Variants in DIS3L2 observed in about 807,000 individuals in gnomAD.
The protein encoded by DIS3L2 is DIS3 like 3'-5' exoribonuclease 2.
A neutral mutation model predicts 97.5 loss-of-function variants in DIS3L2; 34 were observed. The observed-to-expected ratio is 0.35, with a 90% CI of 0.27 to 0.46. The LOEUF (loss-of-function observed/expected upper bound fraction) is 0.46, where lower values mean the gene tolerates loss of function less well. DIS3L2 is among the 20% of genes least tolerant of loss of function. DIS3L2 has a pLI of 1.00. For synonymous variants in DIS3L2, 435 were observed against 445.2 expected (o/e 0.98, Z 0.29); for missense variants, 1,038 against 1,146.0 (o/e 0.91, Z 1.36).
chr2:231,982,541 TTTTA>T (rs2106180260), intron 1 of DIS3L2, among the ~76,000 whole-genome samples: 1 of 152,308 alleles, frequency 6.6e-6, no homozygotes, highest in East Asian at 1.9e-4. Flanking sequence ...ATAAAGAATG[TTTTA>T]TTTCTTTTCC....
At chr2:231,986,197 A>C (rs1019621044) in intron 1 of DIS3L2, among the ~76,000 whole-genome samples, 1 of 152,148 alleles carries the variant, frequency 6.6e-6, no homozygotes, top group African/African-American at 2.4e-5. Flanking sequence ...ACATGGACTG[A>C]GCCACTAATG....
At chr2:232,029,403 G>T (rs1040541993) in intron 4 of DIS3L2, among the ~76,000 whole-genome samples, 1 of 152,150 alleles carries the variant, frequency 6.6e-6, no homozygotes, top group East Asian at 1.9e-4. Context: ...AAGCCAAGAA[G>T]TTGACACCTG....
At chr2:232,110,167 GTTA>G (rs1371566943) in intron 6 of DIS3L2, among the ~76,000 whole-genome samples, 1 of 152,082 alleles carries the variant, frequency 6.6e-6, no homozygotes, top group Non-Finnish European at 1.5e-5. Context: ...TCTCAGAATG[GTTA>G]TTATTAAAAA....
At chr2:232,299,313 G>A (rs1056488805) in intron 13 of DIS3L2, among the ~76,000 whole-genome samples, 2 of 152,186 alleles carry the variant, frequency 1.3e-5, no homozygotes, top group Non-Finnish European at 2.9e-5. Context: ...GAGGGGTCTT[G>A]CCAAAATAGA....
At chr2:231,988,337 G>A (rs3100620) in intron 1 of DIS3L2, among the ~76,000 whole-genome samples, 122,295 of 152,214 alleles carry the variant, frequency 0.8, 49,929 homozygotes, top group African/African-American at 0.94. Context: ...ATTTCTCCAC[G>A]GAAAGTGGAG....
intron 15 of DIS3L2, 82 bp from the exon 16 acceptor site, chr2:232,330,602 GGCATGA>G: frequency 7.2e-7 from 1 of 1,386,484 alleles, no homozygotes; most frequent in Admixed American, 1.7e-5. Context: ...CCCAGAGCCG[GGCATGA>G]GGTGCTCAGC....
intron 1 of DIS3L2, among the ~76,000 whole-genome samples, chr2:231,999,005 T>A (rs993449414): frequency 6.6e-6 from 1 of 152,208 alleles, no homozygotes; most frequent in Admixed American, 6.5e-5. Context: ...AGCAAGATAT[T>A]CTAGGCCAGG....
chr2:232,275,836 G>A (rs751803835), intron 13 of DIS3L2, among the ~76,000 whole-genome samples: 2 of 152,196 alleles, frequency 1.3e-5, no homozygotes, highest in Non-Finnish European at 2.9e-5. Flanking sequence ...CGTAGAGGCA[G>A]ATGGGACAGG....
chr2:231,992,455 A>G (rs889835053), intron 1 of DIS3L2, among the ~76,000 whole-genome samples: 1 of 152,128 alleles, frequency 6.6e-6, no homozygotes, highest in Admixed American at 6.6e-5. Context: ...GTGTTTTAAC[A>G]TGCTCAAGTT....
chr2:231,970,195 AC>A (rs1426876115), intron 1 of DIS3L2, among the ~76,000 whole-genome samples: 1 of 152,084 alleles, frequency 6.6e-6, no homozygotes, highest in Admixed American at 6.5e-5. Flanking sequence ...CAGTCCTCCC[AC>A]TGTCACCTCT....
At chr2:232,029,063 C>A (rs1247606653) in intron 4 of DIS3L2, among the ~76,000 whole-genome samples, 1 of 152,122 alleles carries the variant, frequency 6.6e-6, no homozygotes, top group African/African-American at 2.4e-5. Flanking sequence ...ATAGTAATCA[C>A]CTTCAGTCCA....
At chr2:232,006,536 T>C (rs1211384679) in intron 1 of DIS3L2, among the ~76,000 whole-genome samples, 8 of 152,184 alleles carry the variant, frequency 5.3e-5, no homozygotes, top group Non-Finnish European at 8.8e-5. Context: ...TTGAGGAGAA[T>C]AATAAATTGA....
intron 14 of DIS3L2, among the ~76,000 whole-genome samples, chr2:232,326,695 G>A (rs995819869): frequency 5.4e-5 from 8 of 147,124 alleles, no homozygotes; most frequent in African/African-American, 2.1e-4. Context: ...TGCTTAATGT[G>A]GCCTAACTAG....
At chr2:232,328,988 C>T (rs1401183280) in intron 14 of DIS3L2, 1 of 152,412 alleles carries the variant, frequency 6.6e-6, no homozygotes, top group Non-Finnish European at 1.5e-5. Flanking sequence ...TCCCACATCG[C>T]CTATCGGTCC....
chr2:232,007,994 T>A (rs1298788652), intron 1 of DIS3L2, among the ~76,000 whole-genome samples: 1 of 152,010 alleles, frequency 6.6e-6, no homozygotes, highest in Non-Finnish European at 1.5e-5. Flanking sequence ...TTGTTATATG[T>A]CTATTCAGAT....
At chr2:232,114,932 C>A (rs76045629) in intron 6 of DIS3L2, among the ~76,000 whole-genome samples, 2 of 152,100 alleles carry the variant, frequency 1.3e-5, no homozygotes, top group Non-Finnish European at 2.9e-5. Flanking sequence ...CTAGTGAGGA[C>A]CTTCTTGCCA....
intron 13 of DIS3L2, among the ~76,000 whole-genome samples, chr2:232,283,761 G>A (rs1025777181): frequency 6.6e-6 from 1 of 152,208 alleles, no homozygotes; most frequent in African/African-American, 2.4e-5. Context: ...AGAACAGGTA[G>A]GTAGTTGCCA....
downstream of DIS3L2, chr2:232,340,921 C>T (rs1457761481): frequency 8.5e-6 from 4 of 470,990 alleles, no homozygotes; most frequent in Admixed American, 9.4e-5. Context: ...GTGGGGAACA[C>T]AGACCATAGA....
At chr2:232,296,643 C>T (rs1694732663) in intron 13 of DIS3L2, among the ~76,000 whole-genome samples, 1 of 152,184 alleles carries the variant, frequency 6.6e-6, no homozygotes, top group Admixed American at 6.5e-5. Flanking sequence ...TGCCTCTCGC[C>T]ACGTAAGACT....
Sources: allele counts gnomAD v4.1 joint callset (sites outside exome capture counted in the v4.1 genomes callset), GRCh38; gene constraint gnomAD v4.1.1; transcripts MANE v1.5; gene names NCBI Gene and HGNC (gene_info 2026-07-23, HGNC 2026-07-21).